IL1RAPL2: variants seen among roughly 807,000 people sequenced by gnomAD.
IL1RAPL2 encodes interleukin 1 receptor accessory protein like 2, also known as X-linked interleukin-1 receptor accessory protein-like 2.
In IL1RAPL2, 3 loss-of-function variants were observed where a neutral mutation model predicts 44.1. That is an observed-to-expected ratio of 0.07 (90% CI 0.03 to 0.18). The LOEUF (loss-of-function observed/expected upper bound fraction) is 0.18, where lower values mean the gene tolerates loss of function less well. IL1RAPL2 is among the 10% of genes least tolerant of loss of function. The pLI, the probability that IL1RAPL2 is intolerant of heterozygous loss-of-function variation, is 1.00. For missense variants in IL1RAPL2, 391 were observed against 496.4 expected (o/e 0.79, Z 2.02); for synonymous variants, 181 against 178.8 (o/e 1.01, Z -0.10).
chrX:105,287,756 G>A (rs1415075304), intron 5 of IL1RAPL2, among the ~76,000 whole-genome samples: 1 of 111,402 alleles, frequency 9.0e-6, no homozygotes, highest in East Asian at 2.8e-4. Flanking sequence ...GTGATGATTA[G>A]GTTTCTTGCT....
chrX:105,749,812 T>C (rs959271498), intron 9 of IL1RAPL2, among the ~76,000 whole-genome samples: 2 of 112,099 alleles, frequency 1.8e-5, no homozygotes, highest in Non-Finnish European at 3.8e-5. Context: ...CAAACTGCCA[T>C]GTTTCCAATC....
intron 6 of IL1RAPL2, among the ~76,000 whole-genome samples, chrX:105,669,824 G>C (rs550808243): frequency 2.2e-4 from 24 of 109,112 alleles, no homozygotes; most frequent in Admixed American, 6.9e-4. Context: ...CTCCATTTCT[G>C]TAATTACGTT....
intron 5 of IL1RAPL2, among the ~76,000 whole-genome samples, chrX:105,428,698 T>C (rs1311512739): frequency 8.9e-6 from 1 of 112,020 alleles, no homozygotes; most frequent in African/African-American, 3.2e-5. Flanking sequence ...GGTACATTTG[T>C]ATAGTTTGCT....
At chrX:105,563,697 T>C (rs766776103) in intron 6 of IL1RAPL2, among the ~76,000 whole-genome samples, 20 of 111,582 alleles carry the variant, frequency 1.8e-4, no homozygotes, top group African/African-American at 5.9e-4. Context: ...TTTGAGTTAG[T>C]CTGTCACCAA....
chrX:105,700,042 C>T (rs1285078636), intron 6 of IL1RAPL2, among the ~76,000 whole-genome samples: 2 of 111,520 alleles, frequency 1.8e-5, no homozygotes, highest in Non-Finnish European at 3.8e-5. Flanking sequence ...CAGAATTTTT[C>T]TGGCTGGCAA....
chrX:104,823,549 G>A (rs762986874), intron 2 of IL1RAPL2, among the ~76,000 whole-genome samples: 365 of 107,508 alleles, frequency 3.4e-3, no homozygotes, highest in African/African-American at 6.5e-3. Flanking sequence ...GAATAATGCC[G>A]CAATAAACAT....
intron 2 of IL1RAPL2, among the ~76,000 whole-genome samples, chrX:105,137,142 C>A (rs1478880197): frequency 8.9e-6 from 1 of 111,913 alleles, no homozygotes; most frequent in Non-Finnish European, 1.9e-5. Flanking sequence ...GTAGACAGCA[C>A]TGTAAGAGGA....
intron 2 of IL1RAPL2, among the ~76,000 whole-genome samples, chrX:104,681,944 G>T (rs773564008): frequency 8.9e-6 from 1 of 112,671 alleles, no homozygotes; most frequent in Non-Finnish European, 1.9e-5. Flanking sequence ...ATATCTAAGT[G>T]AGGATTGTCT....
intron 5 of IL1RAPL2, among the ~76,000 whole-genome samples, chrX:105,339,917 C>G (rs756358562): frequency 3.4e-4 from 38 of 111,970 alleles, no homozygotes; most frequent in Non-Finnish European, 6.2e-4. Flanking sequence ...GATATAAAAG[C>G]AGTAATAAAT....
chrX:105,036,655 A>G (rs2031634625), intron 2 of IL1RAPL2, among the ~76,000 whole-genome samples: 1 of 112,267 alleles, frequency 8.9e-6, no homozygotes, highest in African/African-American at 3.2e-5. Flanking sequence ...CACCTGCTCT[A>G]ATGTCATGGA....
chrX:104,999,765 G>A (rs774705437), intron 2 of IL1RAPL2, among the ~76,000 whole-genome samples: 7 of 110,772 alleles, frequency 6.3e-5, no homozygotes, highest in Non-Finnish European at 1.3e-4. Context: ...AAGTGGAGAC[G>A]GAAAAATTTC....
chrX:105,321,062 C>G (rs1002851437), intron 5 of IL1RAPL2, among the ~76,000 whole-genome samples: 11 of 111,670 alleles, frequency 9.9e-5, no homozygotes, highest in African/African-American at 2.6e-4. Context: ...CAGATGTGAC[C>G]TCTCCTGTGG....
chrX:104,703,184 G>T (rs954806724), intron 2 of IL1RAPL2, among the ~76,000 whole-genome samples: 2 of 111,198 alleles, frequency 1.8e-5, no homozygotes, highest in East Asian at 5.7e-4. Context: ...GCTTATTTTT[G>T]CTCTCTTAAG....
chrX:105,447,815 T>C (rs1324649527), intron 5 of IL1RAPL2, among the ~76,000 whole-genome samples: 1 of 90,512 alleles, frequency 1.1e-5, no homozygotes, highest in East Asian at 3.4e-4. Context: ...CATATAAATA[T>C]ATAAATATAT....
chrX:104,725,118 A>G (rs1296065607), intron 2 of IL1RAPL2, among the ~76,000 whole-genome samples: 1 of 111,151 alleles, frequency 9.0e-6, no homozygotes, highest in African/African-American at 3.3e-5. Flanking sequence ...ACCACTTATG[A>G]GTGAGAACAT....
chrX:105,111,981 A>G (rs1347286971), intron 2 of IL1RAPL2, among the ~76,000 whole-genome samples: 1 of 112,032 alleles, frequency 8.9e-6, no homozygotes, highest in Non-Finnish European at 1.9e-5. Context: ...GATCAGAATT[A>G]TCCAGAGCTT....
At chrX:104,738,292 A>G (rs1472133026) in intron 2 of IL1RAPL2, among the ~76,000 whole-genome samples, 1 of 112,302 alleles carries the variant, frequency 8.9e-6, no homozygotes, top group Non-Finnish European at 1.9e-5. Flanking sequence ...AGGATAAGCT[A>G]ATAGATGGGT....
intron 6 of IL1RAPL2, among the ~76,000 whole-genome samples, chrX:105,505,159 A>C (rs1431704703): frequency 2.7e-5 from 3 of 111,032 alleles, no homozygotes; most frequent in African/African-American, 6.5e-5. Flanking sequence ...AATCTCCGTA[A>C]ATTTTAAATA....
intron 2 of IL1RAPL2, among the ~76,000 whole-genome samples, chrX:104,924,629 A>G (rs1924730678): frequency 8.9e-6 from 1 of 111,915 alleles, no homozygotes; most frequent in Non-Finnish European, 1.9e-5. Context: ...GAAGGGAGAA[A>G]TAAAAAATTT....
Sources: allele counts gnomAD v4.1 joint callset (sites outside exome capture counted in the v4.1 genomes callset), GRCh38; gene constraint gnomAD v4.1.1; transcripts MANE v1.5; gene names NCBI Gene and HGNC (gene_info 2026-07-23, HGNC 2026-07-21).